Variants in B3GNT5 observed in about 807,000 individuals in gnomAD.
B3GNT5 encodes lactosylceramide 1,3-N-acetyl-beta-D-glucosaminyltransferase.
In B3GNT5, 11 loss-of-function variants were observed where a neutral mutation model predicts 25.9. The observed-to-expected ratio is 0.42, with a 90% CI of 0.27 to 0.70. The LOEUF is 0.70. Among genes scored for constraint, B3GNT5 ranks in the 30% least tolerant of loss-of-function variants. B3GNT5 has a pLI of 0.23. For synonymous variants in B3GNT5, 166 were observed against 158.6 expected, an observed-to-expected ratio of 1.05 and a Z score of -0.35; for missense variants, 385 against 458.4, an observed-to-expected ratio of 0.84 and a Z score of 1.46.
rs1330106097 is a variant in B3GNT5, at chr3:183,271,684, G to C, written c.*749G>C. ...TAACACGGGCAGCTGGTTGCTCATA[G>C]GGTCCTTCTCTAGGGAGAAACCATT... is the stretch of plus-strand genomic sequence containing the variant. On this transcript the variant is annotated 3_prime_UTR_variant, in exon 2 of 2. Transcript: ENST00000326505. 1.2e-5 allele frequency: 2 copies of C among 166,848 alleles called. No individual in the cohort carries two copies. The highest frequency in any genetic ancestry group is 2.9e-5 in the Non-Finnish European group (2 of 68,080). 10.3% of individuals were successfully genotyped at this position (166,848 alleles called of 1,614,324 possible).
At chr3:183,268,518 C>G (rs115284159) in intron 1 of B3GNT5, among the ~76,000 whole-genome samples, 1 of 149,524 alleles carries the variant, frequency 6.7e-6, no homozygotes, top group African/African-American at 2.5e-5. Flanking sequence ...ATGGGGGGGG[C>G]GGTTCCAGAT....
rs1417406899 is a variant in B3GNT5 at position 183,269,647 on chromosome 3, G to T, written c.-152G>T. 1 of 693,602 alleles carries T rather than the reference G, an allele frequency of 1.4e-6. No individual in the cohort carries two copies. The highest frequency in any genetic ancestry group is 2.3e-6 in the Non-Finnish European group (1 of 435,180). The allele number at this position is 693,602 out of a possible 1,614,324, so 43.0% of individuals were successfully genotyped here. A position where few individuals can be genotyped will look rare whatever the true frequency, so the allele number is the denominator to read the frequency against. On this transcript the variant is annotated 5_prime_UTR_variant, in exon 2 of 2. An upstream open reading frame in the 5' UTR gains an earlier in-frame stop. Transcript: ENST00000326505. Reference sequence around the variant, plus strand: ...CAATCTCAGAAAAATGGGACTAAAAGAAACTATTTTGTAAAATAAGAAGAC... The same window carrying T: ...CAATCTCAGAAAAATGGGACTAAAATAAACTATTTTGTAAAATAAGAAGAC...
intron 1 of B3GNT5, among the ~76,000 whole-genome samples, chr3:183,263,643 A>G (rs1725824230): frequency 6.6e-6 from 1 of 151,836 alleles, no homozygotes; most frequent in African/African-American, 2.4e-5. Context: ...CAGAGTACCC[A>G]CCTGGATCTC....
At chr3:183,261,171 T>C (rs1483841752) in intron 1 of B3GNT5, among the ~76,000 whole-genome samples, 1 of 152,190 alleles carries the variant, frequency 6.6e-6, no homozygotes, top group Non-Finnish European at 1.5e-5. Context: ...TTAACACCGA[T>C]TATTGTAAGT....
chr3:183,266,642 G>A (rs554750357), intron 1 of B3GNT5, among the ~76,000 whole-genome samples: 15 of 152,140 alleles, frequency 9.9e-5, no homozygotes, highest in Admixed American at 1.3e-4. Context: ...AAGTGATTTC[G>A]CAAATTTTAG....
chr3:183,262,859 G>A lies in B3GNT5; in HGVS notation c.-301-6639G>A, dbSNP rs563576303. Among the ~76,000 whole-genome samples the A allele has an allele frequency of 4.6e-5, 7 of 152,168 alleles. No individual in the cohort carries two copies. In the East Asian group the frequency reaches 5.8e-4, roughly 13 times the overall value. On this transcript the variant is annotated intron_variant, in intron 1 of 1. Coordinates refer to ENST00000326505, the MANE Select transcript of B3GNT5 (RefSeq NM_032047.5). ...GCTAGATAGTGCCATTTGTGGTGAC[G>A]CTGCCTGCCTGGTAAGTCCCATTTC...
At chr3:183,268,581 A>G (rs1330303699) in intron 1 of B3GNT5, among the ~76,000 whole-genome samples, 1 of 152,188 alleles carries the variant, frequency 6.6e-6, no homozygotes, top group African/African-American at 2.4e-5. Flanking sequence ...AGAAACAGGA[A>G]CAGCAGGTTT....
chr3:183,259,772 G>T (rs1024067875), intron 1 of B3GNT5, among the ~76,000 whole-genome samples: 3 of 151,994 alleles, frequency 2.0e-5, no homozygotes, highest in African/African-American at 7.3e-5. Context: ...TTTTGTGGTT[G>T]AAAGACTACA....
At position 183,256,340 on chromosome 3, in the gene B3GNT5, C is replaced by T. The variant is rs562119885; in HGVS notation, c.-302+2868C>T. ...TGTAAATCTAGAATTACTTTCCTTA[C>T]GGTATGCAATATCTAATTATTATGT... On this transcript the variant is annotated intron_variant, in intron 1 of 1. Coordinates refer to ENST00000326505, the MANE Select transcript of B3GNT5 (RefSeq NM_032047.5). Among the ~76,000 whole-genome samples, 25 of 151,926 alleles carry T rather than the reference C, an allele frequency of 1.6e-4. 1 individual carries two copies. In the South Asian group the frequency reaches 4.4e-3, roughly 27 times the overall value.
Position 183,273,062 on chromosome 3 carries a change from T to A in B3GNT5, c.*2127T>A. 1 of 1,482,784 alleles carries A rather than the reference T, an allele frequency of 6.7e-7. No individual in the cohort carries two copies. The highest frequency in any genetic ancestry group is 9.0e-7 in the Non-Finnish European group (1 of 1,111,570). The allele number at this position is 1,482,784 out of a possible 1,614,324, so 91.9% of individuals were successfully genotyped here. On this transcript the variant is annotated 3_prime_UTR_variant, in exon 2 of 2. Coordinates refer to ENST00000326505, the MANE Select transcript of B3GNT5 (RefSeq NM_032047.5). ...CACTTACTTAAAGTACTGAGAAGAG[T>A]ATCTGTAAATAAAAGGGTTCCAACC...
At chr3:183,269,472 T>G (rs1726529352) in intron 1 of B3GNT5, 26 bp from the exon 2 acceptor site, 1 of 246,746 alleles carries the variant, frequency 4.1e-6, no homozygotes, top group Non-Finnish European at 7.7e-6. Flanking sequence ...GCGATTGTGA[T>G]TCTTTTCTCT....
At position 183,267,784 on chromosome 3, in the gene B3GNT5, G is replaced by A. The variant is rs1207627861; in HGVS notation, c.-301-1714G>A. 6.6e-6 allele frequency among the ~76,000 whole-genome samples: 1 copy of A among 152,226 alleles called. No homozygotes were observed. Among genetic ancestry groups the A allele is most frequent in the Non-Finnish European group, 1.5e-5 (1 of 68,032 alleles). On this transcript the variant is annotated intron_variant, in intron 1 of 1. Coordinates refer to ENST00000326505, the MANE Select transcript of B3GNT5 (RefSeq NM_032047.5). The surrounding 1 kb of genome is among the most constrained non-coding windows in gnomAD (Gnocchi z 5.5). ...GGTGGAGGAAAAGAGAGGACCTGGT[G>A]TAAGCAGCCATGGCATGGACCTCAT...
At chr3:183,259,668 G>A (rs145519281) in intron 1 of B3GNT5, among the ~76,000 whole-genome samples, 6 of 152,080 alleles carry the variant, frequency 3.9e-5, no homozygotes, top group African/African-American at 7.2e-5. Flanking sequence ...CCCTGAGTCC[G>A]GTACTTTTTT....
rs1726317130 is a variant in B3GNT5, at chr3:183,267,903, T to G, written c.-301-1595T>G. On this transcript the variant is annotated intron_variant, in intron 1 of 1. Transcript: ENST00000326505. The surrounding 1 kb of genome is among the most constrained non-coding windows in gnomAD (Gnocchi z 5.5). The stretch of plus-strand genomic sequence containing the variant: ...GTGGCTCCACCCCCGGCATGGTTCT[T>G]TGCACCAACATTTGGGGAATGCCTA... Among the ~76,000 whole-genome samples, 1 of 152,152 alleles carries G rather than the reference T, an allele frequency of 6.6e-6. No individual in the cohort carries two copies.
chr3:183,265,607 G>C (rs921702961), intron 1 of B3GNT5: 1 of 152,266 alleles, frequency 6.6e-6, no homozygotes, highest in Non-Finnish European at 1.5e-5. Flanking sequence ...GCGCAGGCCG[G>C]GGGAGGGCAG....
At position 183,269,489 on chromosome 3, in the gene B3GNT5, C is replaced by CT; in HGVS notation, c.-301-8dup. 1 of 277,060 alleles carries CT rather than the reference C, an allele frequency of 3.6e-6. No homozygotes were observed. Among genetic ancestry groups the CT allele is most frequent in the Non-Finnish European group, 6.7e-6 (1 of 149,052 alleles). 17.2% of individuals were successfully genotyped at this position (277,060 alleles called of 1,614,324 possible). A position where few individuals can be genotyped will look rare whatever the true frequency, so the allele number is the denominator to read the frequency against. On this transcript the variant is annotated splice_polypyrimidine_tract_variant and intron_variant, in intron 1 of 1. Coordinates refer to ENST00000326505, the MANE Select transcript of B3GNT5 (RefSeq NM_032047.5). The stretch of plus-strand genomic sequence containing the variant: ...GATTGTGATTCTTTTCTCTTCTTGA[C>CT]TGTGATAGGTGGCATGGAATATTCA...
chr3:183,261,897 C>T (rs576091703), intron 1 of B3GNT5, among the ~76,000 whole-genome samples: 3 of 146,596 alleles, frequency 2.0e-5, no homozygotes, highest in Non-Finnish European at 4.5e-5. Flanking sequence ...TGTTTTTCAG[C>T]TATGTAGAAC....
intron 1 of B3GNT5, among the ~76,000 whole-genome samples, chr3:183,255,608 GT>G (rs1466645770): frequency 6.6e-6 from 1 of 152,216 alleles, no homozygotes; most frequent in African/African-American, 2.4e-5. Context: ...CAGAGCAGCT[GT>G]TCCTGAGAAA....
In B3GNT5 at chr3:183,271,056, A is replaced by C. The variant is rs1057261425; in HGVS notation, c.*121A>C. ...CGAAAGACAAATATTTTGAAAGCCT[A>C]GTCCATCAGAATGTTTCTTTGATTC... On this transcript the variant is annotated 3_prime_UTR_variant, in exon 2 of 2. Coordinates refer to ENST00000326505, the MANE Select transcript of B3GNT5 (RefSeq NM_032047.5). 4 of 904,336 alleles carry C rather than the reference A, an allele frequency of 4.4e-6. No homozygotes were observed. The African/African-American group carries it at 6.9e-5, about 16-fold the overall frequency. The allele number at this position is 904,336 out of a possible 1,614,324, so 56.0% of individuals were successfully genotyped here. A position where few individuals can be genotyped will look rare whatever the true frequency, so the allele number is the denominator to read the frequency against.
Sources: allele counts gnomAD v4.1 joint callset (sites outside exome capture counted in the v4.1 genomes callset), GRCh38; gene constraint gnomAD v4.1.1; non-coding constraint Gnocchi (gnomAD v3.1); transcripts MANE v1.5; gene names NCBI Gene and HGNC (gene_info 2026-07-23, HGNC 2026-07-21).